Variants in SCAPER observed in about 807,000 individuals in gnomAD.
SCAPER encodes S-phase cyclin A associated protein in the ER.
In SCAPER, 98 loss-of-function variants were observed where a neutral mutation model predicts 182.2. The observed-to-expected ratio is 0.54, with a 90% CI of 0.46 to 0.64. SCAPER has a LOEUF of 0.64. Ranked by LOEUF, SCAPER falls within the 30% of genes least tolerant of loss-of-function variation. The pLI is 0.00. For synonymous variants in SCAPER, 605 were observed against 564.6 expected, an observed-to-expected ratio of 1.07 and a Z score of -1.01; for missense variants, 1,432 against 1,690.0, an observed-to-expected ratio of 0.85 and a Z score of 2.68.
intron 17 of SCAPER, among the ~76,000 whole-genome samples, chr15:76,708,722 T>C (rs2059402383): frequency 6.6e-6 from 1 of 152,104 alleles, no homozygotes. Flanking sequence ...ACATAAACCT[T>C]TAGCTAGACT....
intron 25 of SCAPER, among the ~76,000 whole-genome samples, chr15:76,437,009 C>T (rs2047242909): frequency 6.6e-6 from 1 of 152,202 alleles, no homozygotes; most frequent in Non-Finnish European, 1.5e-5. Context: ...CAGTATCTTA[C>T]TGTTCTGAGA....
chr15:76,621,668 A>C (rs1235805013), intron 22 of SCAPER, 96 bp downstream of exon 22: 1 of 1,007,416 alleles, frequency 9.9e-7, no homozygotes, highest in Non-Finnish European at 1.5e-6. Flanking sequence ...AATTAGAATC[A>C]AAGAACCTTA....
chr15:76,615,400 C>T (rs548028992), intron 22 of SCAPER, among the ~76,000 whole-genome samples: 20 of 151,254 alleles, frequency 1.3e-4, no homozygotes, highest in Admixed American at 2.6e-4. Flanking sequence ...GAGCTGAGAT[C>T]GCGCCACTGC....
intron 23 of SCAPER, among the ~76,000 whole-genome samples, chr15:76,573,722 T>C (rs961680474): frequency 6.6e-6 from 1 of 152,260 alleles, no homozygotes; most frequent in Non-Finnish European, 1.5e-5. Context: ...TAAACTATAA[T>C]TGAGATATTT....
intron 5 of SCAPER, among the ~76,000 whole-genome samples, chr15:76,839,701 A>T (rs1379530681): frequency 1.3e-5 from 2 of 152,192 alleles, no homozygotes; most frequent in Non-Finnish European, 2.9e-5. Context: ...TTACACACAA[A>T]AAAATCTATT....
chr15:76,759,151 CAT>C (rs1002641310), intron 14 of SCAPER, among the ~76,000 whole-genome samples: 1 of 152,110 alleles, frequency 6.6e-6, no homozygotes, highest in African/African-American at 2.4e-5. Flanking sequence ...TTTACCAAAT[CAT>C]AGAGAAAAAG....
At chr15:76,620,874 A>G (rs2051976312) in intron 22 of SCAPER, among the ~76,000 whole-genome samples, 1 of 152,156 alleles carries the variant, frequency 6.6e-6, no homozygotes, top group Admixed American at 6.6e-5. Context: ...GAGGAGGGAG[A>G]GCATCAAGAC....
At chr15:76,612,870 G>A (rs956198168) in intron 22 of SCAPER, among the ~76,000 whole-genome samples, 1 of 152,104 alleles carries the variant, frequency 6.6e-6, no homozygotes, top group African/African-American at 2.4e-5. Context: ...TAAATTCAAT[G>A]CTATTCCCAT....
At chr15:76,871,717 A>G (rs927032666) in intron 2 of SCAPER, among the ~76,000 whole-genome samples, 2 of 151,486 alleles carry the variant, frequency 1.3e-5, no homozygotes, top group Non-Finnish European at 2.9e-5. Flanking sequence ...CAGCCTCCCA[A>G]TTAGCTGGGA....
intron 20 of SCAPER, among the ~76,000 whole-genome samples, chr15:76,667,346 T>C (rs985260487): frequency 2.0e-5 from 3 of 152,084 alleles, no homozygotes; most frequent in Non-Finnish European, 4.4e-5. Context: ...TAGGTCCTTT[T>C]CCTCTTCTTG....
chr15:76,412,126 C>T (rs749348700), intron 26 of SCAPER, among the ~76,000 whole-genome samples: 5 of 152,072 alleles, frequency 3.3e-5, no homozygotes, highest in Non-Finnish European at 7.4e-5. Context: ...TGTTCTAGCA[C>T]CATTCATTAA....
At chr15:76,788,504 T>TA (rs1213262898) in intron 8 of SCAPER, among the ~76,000 whole-genome samples, 2 of 152,114 alleles carry the variant, frequency 1.3e-5, no homozygotes, top group African/African-American at 4.8e-5. Flanking sequence ...TCACTAAAGG[T>TA]AAAAAAATTT....
intron 8 of SCAPER, among the ~76,000 whole-genome samples, chr15:76,787,125 G>A (rs2064667494): frequency 6.6e-6 from 1 of 152,096 alleles, no homozygotes; most frequent in African/African-American, 2.4e-5. Flanking sequence ...CATTTTTGAT[G>A]TAAATAAGTT....
At chr15:76,866,130 T>C (rs1048658720) in intron 2 of SCAPER, among the ~76,000 whole-genome samples, 3 of 152,184 alleles carry the variant, frequency 2.0e-5, no homozygotes, top group African/African-American at 7.2e-5. Context: ...GGTATCACTA[T>C]TGCTTCCAGG....
rs552908928 is a variant in SCAPER, at chr15:76,810,341, A to G, written c.394-5708T>C. Among the ~76,000 whole-genome samples the G allele has an allele frequency of 2.6e-3, 396 of 152,132 alleles. 2 individuals are homozygous for G. Among genetic ancestry groups the G allele is most frequent in the African/African-American group, 9.1e-3 (380 of 41,546 alleles). On this transcript the variant is annotated intron_variant, in intron 5 of 31. Coordinates refer to ENST00000563290, the MANE Select transcript of SCAPER (RefSeq NM_020843.4). The stretch of plus-strand genomic sequence containing the variant: ...AATATAAATAATTATAAATTGTGAC[A>G]TCAATACTATTTATAATGTGGGAGC...
intron 10 of SCAPER, among the ~76,000 whole-genome samples, chr15:76,769,711 TTGG>T (rs1193625731): frequency 6.6e-6 from 1 of 152,082 alleles, no homozygotes; most frequent in Non-Finnish European, 1.5e-5. Context: ...TTTTACACTG[TTGG>T]TGGGAGTGTA....
intron 26 of SCAPER, among the ~76,000 whole-genome samples, chr15:76,420,371 C>A (rs1226061628): frequency 6.6e-6 from 1 of 151,350 alleles, no homozygotes; most frequent in African/African-American, 2.4e-5. Flanking sequence ...CACCACTATG[C>A]CTGGCACATG....
At chr15:76,653,712 G>T (rs976294799) in intron 21 of SCAPER, among the ~76,000 whole-genome samples, 1 of 152,174 alleles carries the variant, frequency 6.6e-6, no homozygotes, top group Non-Finnish European at 1.5e-5. Context: ...ATTGACTCAA[G>T]TGAATTAAAG....
At chr15:76,382,355 T>A (rs1040487126) in intron 27 of SCAPER, among the ~76,000 whole-genome samples, 1 of 138,138 alleles carries the variant, frequency 7.2e-6, no homozygotes, top group African/African-American at 2.8e-5. Flanking sequence ...TATTTTTTAT[T>A]TTTTTCTTTT....
Sources: allele counts gnomAD v4.1 joint callset (sites outside exome capture counted in the v4.1 genomes callset), GRCh38; gene constraint gnomAD v4.1.1; transcripts MANE v1.5; gene names NCBI Gene and HGNC (gene_info 2026-07-23, HGNC 2026-07-21).